RPTOR: variants seen among roughly 807,000 people sequenced by gnomAD.
The protein encoded by RPTOR is regulatory-associated protein of mTOR.
RPTOR carries 21 observed loss-of-function variants against 169.9 expected under a neutral mutation model. The observed-to-expected ratio is 0.12, with a 90% CI of 0.09 to 0.18. RPTOR has a LOEUF of 0.18. Among genes scored for constraint, RPTOR ranks in the 10% least tolerant of loss-of-function variants. RPTOR has a pLI of 1.00. For missense variants in RPTOR, 1,133 were observed against 1,855.9 expected, an observed-to-expected ratio of 0.61 and a Z score of 7.16; for synonymous variants, 732 against 753.2, an observed-to-expected ratio of 0.97 and a Z score of 0.46.
At chr17:80,773,839 G>A in intron 6 of RPTOR, 7 of 985,434 alleles carry the variant, frequency 7.1e-6, no homozygotes, top group Non-Finnish European at 8.4e-6. Context: ...GTGCCTGGGT[G>A]TGTTCAGTGT....
chr17:80,937,196 T>A (rs1164489765), intron 24 of RPTOR, among the ~76,000 whole-genome samples: 11 of 152,164 alleles, frequency 7.2e-5, no homozygotes, highest in Admixed American at 7.2e-4. Context: ...GCGTTTAATG[T>A]GTTAGCGATC....
intron 4 of RPTOR, among the ~76,000 whole-genome samples, chr17:80,720,695 A>G (rs2066277662): frequency 6.6e-6 from 1 of 152,218 alleles, no homozygotes; most frequent in African/African-American, 2.4e-5. Context: ...CCACGGTCAT[A>G]GCGCTGCGGT....
At chr17:80,585,256 G>C in intron 1 of RPTOR, among the ~76,000 whole-genome samples, 1 of 150,456 alleles carries the variant, frequency 6.6e-6, no homozygotes, top group South Asian at 2.1e-4. Flanking sequence ...CCAGGTTGGA[G>C]TGCAGTGGTG....
chr17:80,743,293 G>C, intron 5 of RPTOR: 1 of 985,588 alleles, frequency 1.0e-6, no homozygotes, highest in Non-Finnish European at 1.2e-6. Flanking sequence ...GGGGGTGAAG[G>C]CACCCATCTG....
At chr17:80,575,947 T>C (rs1483802180) in intron 1 of RPTOR, among the ~76,000 whole-genome samples, 1 of 152,170 alleles carries the variant, frequency 6.6e-6, no homozygotes, top group Non-Finnish European at 1.5e-5. Context: ...TAAATTGGAG[T>C]CTATATTGTT....
At chr17:80,692,468 C>T (rs769959558) in intron 3 of RPTOR, among the ~76,000 whole-genome samples, 19 of 151,914 alleles carry the variant, frequency 1.3e-4, no homozygotes, top group Non-Finnish European at 2.4e-4. Flanking sequence ...ATTACAGGCA[C>T]ATGCCACCAT....
intron 1 of RPTOR, among the ~76,000 whole-genome samples, chr17:80,554,612 C>T (rs527432622): frequency 2.7e-4 from 41 of 152,100 alleles, no homozygotes; most frequent in African/African-American, 9.6e-4. Flanking sequence ...GGCGAGGTGA[C>T]GGGCGCCTGT....
intron 25 of RPTOR, among the ~76,000 whole-genome samples, chr17:80,944,578 C>A (rs1163228137): frequency 6.6e-6 from 1 of 152,252 alleles, no homozygotes; most frequent in East Asian, 1.9e-4. Flanking sequence ...TGCTCCTCAG[C>A]AGGTGGTCAG....
Position 80,633,935 on chromosome 17 carries a change from C to G in RPTOR, c.265+8142C>G, listed in dbSNP as rs528391905. Among the ~76,000 whole-genome samples, 1 of 152,180 alleles carries G rather than the reference C, an allele frequency of 6.6e-6. No individual in the cohort carries two copies. Among genetic ancestry groups the G allele is most frequent in the Non-Finnish European group, 1.5e-5 (1 of 68,034 alleles). ...TTGTCTCATCTAGTCTTTTTCCCAG[C>G]CTCATTCCTCTTAGTGGAATGTGGT... On this transcript the variant is annotated intron_variant, in intron 2 of 33. Transcript: ENST00000306801. This position sits in a 1 kb window ranked among gnomAD's most constrained non-coding sequence, Gnocchi z 4.1.
rs367948988 is a variant in RPTOR, at chr17:80,744,043, T to C, written c.655-9967T>C. 3.8e-3 allele frequency among the ~76,000 whole-genome samples: 123 copies of C among 32,592 alleles called. 15 individuals are homozygous for C. Among genetic ancestry groups the C allele is most frequent in the Non-Finnish European group, 5.4e-3 (70 of 13,022 alleles). 21.4% of individuals were successfully genotyped at this position (32,592 alleles called of 152,430 possible). On this transcript the variant is annotated intron_variant, in intron 5 of 33. Coordinates refer to ENST00000306801, the MANE Select transcript of RPTOR (RefSeq NM_020761.3). ...GCCCTGGTTACTAGCACAGCCCTGG[T>C]TACTAGCACAGCCCTGGCTACTAGC...
Position 80,957,750 on chromosome 17 carries a change from C to T in RPTOR, c.3477+20C>T. The T allele has an allele frequency of 6.2e-7, 1 of 1,607,676 alleles. No homozygotes were observed. Among genetic ancestry groups the T allele is most frequent in the Non-Finnish European group, 8.5e-7 (1 of 1,174,534 alleles). On this transcript the variant is annotated intron_variant, in intron 29 of 33. Coordinates refer to ENST00000306801, the MANE Select transcript of RPTOR (RefSeq NM_020761.3). This position sits in a 1 kb window ranked among gnomAD's most constrained non-coding sequence, Gnocchi z 4.6. ...GTGCAGGTAACCATGCAGGTGTCCC[C>T]CAAGCCCTGGGCCTGTGGGGCAGTG...
chr17:80,633,318 C>T lies in RPTOR; in HGVS notation c.265+7525C>T, dbSNP rs974023636. Among the ~76,000 whole-genome samples the T allele has an allele frequency of 4.6e-5, 7 of 152,196 alleles. No homozygotes were observed. In the East Asian group the frequency reaches 7.7e-4, roughly 17 times the overall value. On this transcript the variant is annotated intron_variant, in intron 2 of 33. Coordinates refer to ENST00000306801, the MANE Select transcript of RPTOR (RefSeq NM_020761.3). This position sits in a 1 kb window ranked among gnomAD's most constrained non-coding sequence, Gnocchi z 4.1. Reference sequence around the variant, plus strand: ...GACGTGTGACTGCCACGTAAGCGTCCGCTGCATGCAGGTTTGCCAGTGTCC... The same window carrying T: ...GACGTGTGACTGCCACGTAAGCGTCTGCTGCATGCAGGTTTGCCAGTGTCC...
intron 20 of RPTOR, among the ~76,000 whole-genome samples, chr17:80,901,810 C>T (rs2068479504): frequency 1.3e-5 from 2 of 151,982 alleles, no homozygotes; most frequent in South Asian, 4.2e-4. Context: ...CCAGAAGCCC[C>T]GCCCCCAGCG....
chr17:80,771,147 G>A (rs150451743), intron 6 of RPTOR, among the ~76,000 whole-genome samples: 189 of 152,264 alleles, frequency 1.2e-3, no homozygotes, highest in African/African-American at 4.3e-3. Context: ...TGGGGTCTGC[G>A]GCTGCCTCTC....
intron 2 of RPTOR, among the ~76,000 whole-genome samples, chr17:80,630,413 A>G (rs1231374032): frequency 2.0e-5 from 3 of 152,222 alleles, no homozygotes; most frequent in African/African-American, 7.2e-5. Context: ...TGTGTCAGTC[A>G]AGGTTCTCCA....
At chr17:80,550,691 G>A (rs756091881) in intron 1 of RPTOR, among the ~76,000 whole-genome samples, 2 of 151,678 alleles carry the variant, frequency 1.3e-5, no homozygotes, top group Non-Finnish European at 1.5e-5. Flanking sequence ...TCTCTTTATC[G>A]CCCCATCCAA....
chr17:80,847,354 G>A (rs1598350546), intron 11 of RPTOR, among the ~76,000 whole-genome samples: 1 of 152,242 alleles, frequency 6.6e-6, no homozygotes, highest in African/African-American at 2.4e-5. Flanking sequence ...TGAGGAGTTC[G>A]TCACAGGTAG....
At chr17:80,857,754 C>A in intron 12 of RPTOR, 36 bp from the exon 13 acceptor site, 1 of 1,507,592 alleles carries the variant, frequency 6.6e-7, no homozygotes, top group Non-Finnish European at 9.1e-7. Context: ...TCCCTTGCTG[C>A]GGCACAGGTG....
Position 80,609,630 on chromosome 17 carries a change from G to A in RPTOR, c.163-16061G>A, listed in dbSNP as rs1051262477. Among the ~76,000 whole-genome samples, 2 of 151,948 alleles carry A rather than the reference G, an allele frequency of 1.3e-5. No homozygotes were observed. The highest frequency in any genetic ancestry group is 2.9e-5 in the Non-Finnish European group (2 of 67,984). ...CATGATGGCGCACGCCTGTAATTCCGGCTACTCAGGAGGCTGAGGCATGAG... is the reference window on the plus strand; with the variant it reads ...CATGATGGCGCACGCCTGTAATTCCAGCTACTCAGGAGGCTGAGGCATGAG... On this transcript the variant is annotated intron_variant, in intron 1 of 33. Transcript: ENST00000306801. This position sits in a 1 kb window ranked among gnomAD's most constrained non-coding sequence, Gnocchi z 4.8.
Sources: gnomAD v4.1 joint callset for allele counts (sites outside exome capture counted in the v4.1 genomes callset) on GRCh38, gnomAD v4.1.1 for gene constraint, Gnocchi (gnomAD v3.1) non-coding constraint, MANE v1.5 for transcripts, NCBI Gene and HGNC (gene_info 2026-07-23, HGNC 2026-07-21) for gene names.